Variants in ENPP2 observed in about 807,000 individuals in gnomAD.
ENPP2 encodes ectonucleotide pyrophosphatase/phosphodiesterase 2.
Under a neutral mutation model 120.2 loss-of-function variants are expected in ENPP2, and 51 were observed. That is an observed-to-expected ratio of 0.42 (90% confidence interval 0.34 to 0.54). ENPP2 has a LOEUF of 0.54. Among genes scored for constraint, ENPP2 ranks in the 20% least tolerant of loss-of-function variants. ENPP2 has a pLI of 0.04. For synonymous variants in ENPP2, 365 were observed against 366.4 expected, an observed-to-expected ratio of 1.00 and a Z score of 0.04; for missense variants, 920 against 1,066.5, an observed-to-expected ratio of 0.86 and a Z score of 1.91.
rs182017867 is a variant in ENPP2, at chr8:119,650,124, G to T, written c.22-11597C>A. Among the ~76,000 whole-genome samples, 62 of 152,238 alleles carry T rather than the reference G, an allele frequency of 4.1e-4. 1 individual carries two copies. Among genetic ancestry groups the T allele is most frequent in the Admixed American group, 4.0e-3 (61 of 15,296 alleles). ...CTGATGAATGGATAAACGAAATGGGGTATATCCATACGGTGAAATATTACT... is the reference window on the plus strand; with the variant it reads ...CTGATGAATGGATAAACGAAATGGGTTATATCCATACGGTGAAATATTACT... On this transcript the variant is annotated intron_variant, in intron 1 of 25. Coordinates refer to the ENPP2 transcript ENST00000427067.
intron 2 of ENPP2, among the ~76,000 whole-genome samples, chr8:119,628,358 T>C (rs918095516): frequency 6.6e-6 from 1 of 152,238 alleles, no homozygotes; most frequent in Non-Finnish European, 1.5e-5. Context: ...TAAATGCTTA[T>C]AAATGTTTCA....
At chr8:119,591,006 A>C (rs1297944148) in intron 12 of ENPP2, among the ~76,000 whole-genome samples, 1 of 151,374 alleles carries the variant, frequency 6.6e-6, no homozygotes, top group East Asian at 1.9e-4. Flanking sequence ...AAAAAAAAAA[A>C]AAAAAAAAAA....
chr8:119,557,714 T>C, intron 24 of ENPP2, 23 bp from the exon 25 acceptor site: 1 of 1,519,762 alleles, frequency 6.6e-7, no homozygotes, highest in Non-Finnish European at 8.8e-7. Flanking sequence ...CAGAACAAAA[T>C]CAGAATCAGA....
chr8:119,564,712 A>C, intron 23 of ENPP2, 111 bp downstream of exon 23: 1 of 682,136 alleles, frequency 1.5e-6, no homozygotes, highest in South Asian at 4.3e-5. Flanking sequence ...TGAAAAATTC[A>C]AAAAACTTAA....
chr8:119,610,068 G>A (rs1258543958), intron 8 of ENPP2, among the ~76,000 whole-genome samples: 1 of 152,000 alleles, frequency 6.6e-6, no homozygotes, highest in Non-Finnish European at 1.5e-5. Flanking sequence ...AAATGACAGG[G>A]TATGTTAAAA....
At chr8:119,644,588 A>ATATATATATATATG (rs1554625316) in intron 1 of ENPP2, among the ~76,000 whole-genome samples, 1 of 25,916 alleles carries the variant, frequency 3.9e-5, no homozygotes, top group Non-Finnish European at 7.3e-5. Flanking sequence ...GATTACTAAA[A>ATATATATATATATG]TATATATATA....
At chr8:119,657,120 T>G (rs1415430161) in intron 1 of ENPP2, among the ~76,000 whole-genome samples, 3 of 152,084 alleles carry the variant, frequency 2.0e-5, no homozygotes, top group African/African-American at 7.2e-5. Flanking sequence ...AGTCAGGGTT[T>G]CACCATGTTG....
intron 19 of ENPP2, among the ~76,000 whole-genome samples, chr8:119,579,242 C>T (rs922396597): frequency 1.3e-5 from 2 of 152,190 alleles, no homozygotes; most frequent in Non-Finnish European, 2.9e-5. Context: ...TATTTACTGC[C>T]TCCACCCATT....
At chr8:119,644,305 G>A (rs557707093) in intron 1 of ENPP2, among the ~76,000 whole-genome samples, 6 of 151,962 alleles carry the variant, frequency 3.9e-5, no homozygotes, top group Admixed American at 2.0e-4. Context: ...ATGGCGGCGT[G>A]GAGAGGAAGA....
intron 12 of ENPP2, chr8:119,592,980 A>G (rs1365993201): frequency 1.4e-5 from 14 of 982,264 alleles, no homozygotes; most frequent in African/African-American, 1.8e-5. Context: ...GAACTCCACT[A>G]GAAGGGAGAA....
chr8:119,642,890 T>C (rs1817324361), upstream of ENPP2, among the ~76,000 whole-genome samples: 1 of 152,220 alleles, frequency 6.6e-6, no homozygotes, highest in Non-Finnish European at 1.5e-5. Flanking sequence ...ATTTGAAAGA[T>C]AAGTGATAGA....
At chr8:119,632,992 T>C (rs1396523193) in intron 2 of ENPP2, among the ~76,000 whole-genome samples, 1 of 152,038 alleles carries the variant, frequency 6.6e-6, no homozygotes, top group South Asian at 2.1e-4. Flanking sequence ...GAGGTGGAGG[T>C]TGCAGTGAGC....
intron 19 of ENPP2, among the ~76,000 whole-genome samples, chr8:119,576,872 G>T (rs1812376839): frequency 6.6e-6 from 1 of 152,116 alleles, no homozygotes; most frequent in Non-Finnish European, 1.5e-5. Flanking sequence ...AGTTTAGCAA[G>T]CAGCTTAGAT....
chr8:119,653,018 C>A (rs953637205), intron 1 of ENPP2, among the ~76,000 whole-genome samples: 1 of 152,138 alleles, frequency 6.6e-6, no homozygotes, highest in East Asian at 1.9e-4. Flanking sequence ...TTGGCTACCA[C>A]CCTAAATGAC....
chr8:119,672,214 A>G (rs1419281311), intron 1 of ENPP2, among the ~76,000 whole-genome samples: 1 of 152,196 alleles, frequency 6.6e-6, no homozygotes, highest in East Asian at 1.9e-4. Context: ...CTGAGGTGGC[A>G]GCCAGAGGTG....
intron 24 of ENPP2, among the ~76,000 whole-genome samples, chr8:119,560,150 T>C (rs1813814259): frequency 6.6e-6 from 1 of 152,206 alleles, no homozygotes; most frequent in African/African-American, 2.4e-5. Flanking sequence ...GGAATCTAGG[T>C]ACACCTTAAA....
chr8:119,660,267 G>A (rs764391238), intron 1 of ENPP2, among the ~76,000 whole-genome samples: 11 of 152,186 alleles, frequency 7.2e-5, no homozygotes, highest in Non-Finnish European at 1.2e-4. Flanking sequence ...TGGACCACAT[G>A]TCAAGTGCTC....
At chr8:119,569,753 T>TGC (rs2130078990) in intron 20 of ENPP2, among the ~76,000 whole-genome samples, 1 of 151,436 alleles carries the variant, frequency 6.6e-6, no homozygotes, top group African/African-American at 2.4e-5. Flanking sequence ...TGTGTGTGTG[T>TGC]GTGTGTGTGT....
chr8:119,565,736 G>A (rs72688214), intron 22 of ENPP2, among the ~76,000 whole-genome samples: 14,568 of 152,148 alleles, frequency 0.096, 1,123 homozygotes, highest in African/African-American at 0.2. Context: ...CTCTGAGTGA[G>A]CTATCACACC....
Sources: gnomAD v4.1 joint callset for allele counts (sites outside exome capture counted in the v4.1 genomes callset) on GRCh38, gnomAD v4.1.1 for gene constraint, MANE v1.5 for transcripts, NCBI Gene and HGNC (gene_info 2026-07-23, HGNC 2026-07-21) for gene names.